The following NFATC1 variants were observed in gnomAD, a reference collection of about 807,000 sequenced individuals.
The protein encoded by NFATC1 is nuclear factor of activated T-cells, cytoplasmic 1.
Under a neutral mutation model 76.0 loss-of-function variants are expected in NFATC1, and 22 were observed. That is an observed-to-expected ratio of 0.29 (90% CI 0.21 to 0.41). The LOEUF (loss-of-function observed/expected upper bound fraction) is 0.41, where lower values mean the gene tolerates loss of function less well. NFATC1 is among the 10% of genes least tolerant of loss of function. The pLI, the probability that NFATC1 is intolerant of heterozygous loss-of-function variation, is 1.00. For synonymous variants in NFATC1, 704 were observed against 613.1 expected, an observed-to-expected ratio of 1.15 and a Z score of -2.19; for missense variants, 1,357 against 1,337.7, an observed-to-expected ratio of 1.01 and a Z score of -0.23.
intron 2 of NFATC1, among the ~76,000 whole-genome samples, chr18:79,425,198 T>TC (rs1568944722): frequency 1.3e-5 from 2 of 150,682 alleles, no homozygotes; most frequent in Non-Finnish European, 3.0e-5. Flanking sequence ...TGTCTCTCTG[T>TC]TTCTCTCCCT....
At chr18:79,420,342 G>A (rs532511303) in intron 2 of NFATC1, among the ~76,000 whole-genome samples, 49 of 150,244 alleles carry the variant, frequency 3.3e-4, no homozygotes, top group African/African-American at 1.1e-3. Context: ...AGAGGAAGAG[G>A]GGGACACGTT....
intron 9 of NFATC1, among the ~76,000 whole-genome samples, chr18:79,491,186 G>A (rs756188852): frequency 2.0e-5 from 3 of 152,006 alleles, no homozygotes; most frequent in Admixed American, 6.6e-5. Context: ...TAAGAGAATC[G>A]GGCACCTCAG....
intron 9 of NFATC1, among the ~76,000 whole-genome samples, chr18:79,518,172 T>C (rs1401021207): frequency 6.6e-6 from 1 of 152,252 alleles, no homozygotes; most frequent in Non-Finnish European, 1.5e-5. Context: ...GCAGACTGCA[T>C]GGGCCTGGCG....
At chr18:79,453,343 C>T (rs950529164) in intron 6 of NFATC1, among the ~76,000 whole-genome samples, 13 of 152,232 alleles carry the variant, frequency 8.5e-5, no homozygotes, top group African/African-American at 3.1e-4. Flanking sequence ...GAATGCAGTC[C>T]GCAGAGGTGC....
chr18:79,463,294 C>A (rs1003950859), intron 7 of NFATC1, among the ~76,000 whole-genome samples: 2 of 152,236 alleles, frequency 1.3e-5, no homozygotes, highest in Admixed American at 6.5e-5. Flanking sequence ...GGCCCCAGGG[C>A]AGGCCAGTGT....
chr18:79,440,672 T>G (rs2086939799), intron 3 of NFATC1, among the ~76,000 whole-genome samples: 1 of 152,244 alleles, frequency 6.6e-6, no homozygotes, highest in South Asian at 2.1e-4. Context: ...GAGCGGCCAC[T>G]GTCTGCACTG....
At chr18:79,405,815 T>C (rs563582729) in intron 1 of NFATC1, among the ~76,000 whole-genome samples, 6 of 152,378 alleles carry the variant, frequency 3.9e-5, no homozygotes, top group African/African-American at 1.4e-4. Context: ...CAGGTTTTAT[T>C]GCAATACTTC....
intron 7 of NFATC1, among the ~76,000 whole-genome samples, chr18:79,462,772 T>C (rs1250105106): frequency 7.0e-6 from 1 of 143,108 alleles, no homozygotes; most frequent in Non-Finnish European, 1.5e-5. Flanking sequence ...CAGCAGTGTG[T>C]GTCCCTGCGG....
At chr18:79,478,338 C>CG (rs2089158016) in intron 8 of NFATC1, among the ~76,000 whole-genome samples, 1 of 152,088 alleles carries the variant, frequency 6.6e-6, no homozygotes, top group Non-Finnish European at 1.5e-5. Flanking sequence ...AGCTGTCCCC[C>CG]GGGAGCCAGG....
At chr18:79,489,054 A>C (rs2089602888) in intron 9 of NFATC1, among the ~76,000 whole-genome samples, 1 of 152,156 alleles carries the variant, frequency 6.6e-6, no homozygotes, top group Non-Finnish European at 1.5e-5. Flanking sequence ...CTCAGGTGAG[A>C]TCATCCCTTT....
chr18:79,447,595 C>T (rs1219129682), intron 3 of NFATC1, among the ~76,000 whole-genome samples: 1 of 152,172 alleles, frequency 6.6e-6, no homozygotes, highest in Admixed American at 6.5e-5. Context: ...GAGGCTGGCG[C>T]TCATCGGGCC....
At chr18:79,469,296 G>C in intron 8 of NFATC1, 1 of 983,806 alleles carries the variant, frequency 1.0e-6, no homozygotes, top group South Asian at 4.7e-5. Context: ...CCAGAGCAGT[G>C]CATTAATTTT....
At chr18:79,498,079 A>C in intron 9 of NFATC1, 1 of 143,706 alleles carries the variant, frequency 7.0e-6, no homozygotes, top group South Asian at 2.2e-4. Flanking sequence ...GGGGGGGGGA[A>C]TCTCATTTCA....
chr18:79,520,522 C>T lies in NFATC1; in HGVS notation c.2783-7006C>T, dbSNP rs73481131. Among the ~76,000 whole-genome samples the T allele has an allele frequency of 2.9e-3, 429 of 148,460 alleles. 2 individuals are homozygous for T. The highest frequency in any genetic ancestry group is 0.01 in the African/African-American group (400 of 39,924). On this transcript the variant is annotated intron_variant, in intron 9 of 9. Coordinates refer to ENST00000427363, the MANE Select transcript of NFATC1 (RefSeq NM_001278669.2). The stretch of plus-strand genomic sequence containing the variant: ...ATAAGTATAGCCAAGCAGCAGAAGA[C>T]TCTGTGTGTGGGGGGGGGAGGGTGC...
At chr18:79,447,673 A>C (rs1600739026) in intron 3 of NFATC1, among the ~76,000 whole-genome samples, 1 of 152,314 alleles carries the variant, frequency 6.6e-6, no homozygotes, top group African/African-American at 2.4e-5. Context: ...CACTGCGCAA[A>C]GGGTTTGACT....
At position 79,528,365 on chromosome 18, in the gene NFATC1, A is replaced by T. The variant is rs1002510567; in HGVS notation, c.*788A>T. The T allele has an allele frequency of 5.1e-5, 8 of 155,754 alleles. No homozygotes were observed. The highest frequency in any genetic ancestry group is 1.9e-4 in the African/African-American group (8 of 41,602). The allele number at this position is 155,754 out of a possible 1,614,324, so 9.6% of individuals were successfully genotyped here. ...CTGTTACAGGATAGCCTGCATTTGC[A>T]TGTGTGTACATATCTAGGCATCTAT... On this transcript the variant is annotated 3_prime_UTR_variant, in exon 10 of 10. Transcript: ENST00000427363.
chr18:79,398,474 G>A (rs2085076498), intron 1 of NFATC1, among the ~76,000 whole-genome samples: 3 of 152,250 alleles, frequency 2.0e-5, no homozygotes, highest in Admixed American at 1.3e-4. Context: ...TGTGGAACGG[G>A]CAGCTTTGAA....
chr18:79,437,876 C>T (rs911230168), intron 3 of NFATC1, among the ~76,000 whole-genome samples: 8 of 152,240 alleles, frequency 5.3e-5, no homozygotes, highest in South Asian at 2.1e-4. Context: ...CTGCCCTCAG[C>T]GCTGCTCACC....
At chr18:79,469,647 C>T (rs543009062) in intron 8 of NFATC1, 2 of 985,900 alleles carry the variant, frequency 2.0e-6, no homozygotes, top group Non-Finnish European at 2.4e-6. Context: ...CCCTCCACCC[C>T]CCATCTGCTC....
Sources: allele counts gnomAD v4.1 joint callset (sites outside exome capture counted in the v4.1 genomes callset), GRCh38; gene constraint gnomAD v4.1.1; transcripts MANE v1.5; gene names NCBI Gene and HGNC (gene_info 2026-07-23, HGNC 2026-07-21).